The following USH2A variants were observed in gnomAD, a reference collection of about 807,000 sequenced individuals.
USH2A encodes the protein Usher syndrome 2A (autosomal recessive, mild).
Under a neutral mutation model 538.9 loss-of-function variants are expected in USH2A, and 443 were observed. The ratio of observed to expected loss-of-function variants is 0.82; its 90% CI spans 0.76 to 0.89. USH2A has a LOEUF of 0.89. Among genes scored for constraint, USH2A ranks in the 40% least tolerant of loss-of-function variants. The pLI is 0.00. For synonymous variants in USH2A, 2,413 were observed against 2,273.5 expected (o/e 1.06, Z -1.75); for missense variants, 6,633 against 6,324.8 (o/e 1.05, Z -1.65).
intron 32 of USH2A, among the ~76,000 whole-genome samples, chr1:216,030,774 A>T (rs905192924): frequency 7.3e-5 from 11 of 151,302 alleles, no homozygotes; most frequent in Non-Finnish European, 1.6e-4. Context: ...TGAATGAGTC[A>T]TTCCTTGACT....
chr1:216,144,770 C>T (rs928719568), intron 21 of USH2A, among the ~76,000 whole-genome samples: 4 of 152,078 alleles, frequency 2.6e-5, no homozygotes, highest in African/African-American at 9.7e-5. Flanking sequence ...GCTACTTTTT[C>T]TTGATTGTTT....
chr1:215,917,780 C>CAAAAAAAAAAA (rs869080030), intron 38 of USH2A, among the ~76,000 whole-genome samples: 3 of 89,620 alleles, frequency 3.3e-5, no homozygotes, highest in African/African-American at 4.4e-5. Context: ...CCTATCACTA[C>CAAAAAAAAAAA]AAAAAAAAAA....
At position 216,423,314 on chromosome 1, in the gene USH2A, G is replaced by C. The variant is rs1430551833; in HGVS notation, c.-305C>G. ...CCTGGCAACGCTGCTGTAACCCCTG[G>C]TTACTCAGCAAATAGGCTGTAGCAG... is the stretch of plus-strand genomic sequence containing the variant. On this transcript the variant is annotated 5_prime_UTR_variant, in exon 1 of 72. Transcript: ENST00000307340. 5 of 152,120 alleles carry C rather than the reference G, an allele frequency of 3.3e-5. No individual in the cohort carries two copies. The highest frequency in any genetic ancestry group is 5.9e-5 in the Non-Finnish European group (4 of 68,036). 9.4% of individuals were successfully genotyped at this position (152,120 alleles called of 1,614,324 possible).
At chr1:215,841,626 T>C (rs1490178912) in intron 46 of USH2A, among the ~76,000 whole-genome samples, 3 of 152,140 alleles carry the variant, frequency 2.0e-5, no homozygotes, top group Middle Eastern at 3.2e-3. Flanking sequence ...ATTCAGGACA[T>C]AGGCACAGGC....
chr1:215,758,559 T>TACAC (rs141869007), intron 58 of USH2A, 36 bp downstream of exon 58: 135 of 1,532,432 alleles, frequency 8.8e-5, no homozygotes, highest in Non-Finnish European at 1.1e-4. Context: ...TTAAAATGTT[T>TACAC]ACACACACAC....
intron 3 of USH2A, among the ~76,000 whole-genome samples, chr1:216,368,468 A>G (rs2038641264): frequency 6.6e-6 from 1 of 152,160 alleles, no homozygotes; most frequent in African/African-American, 2.4e-5. Flanking sequence ...AAATAGAGAG[A>G]CAGAATACCT....
At chr1:216,082,445 G>T (rs2031980432) in intron 26 of USH2A, among the ~76,000 whole-genome samples, 2 of 146,476 alleles carry the variant, frequency 1.4e-5, no homozygotes, top group Non-Finnish European at 1.5e-5. Context: ...TATTGGCATT[G>T]TGTATGCTAG....
chr1:216,014,533 A>C (rs993345104), intron 32 of USH2A, among the ~76,000 whole-genome samples: 2 of 152,248 alleles, frequency 1.3e-5, no homozygotes, highest in African/African-American at 4.8e-5. Context: ...AGGTATGTAC[A>C]CAAATCTGAG....
chr1:216,335,789 T>A (rs2037957943), intron 4 of USH2A, among the ~76,000 whole-genome samples: 1 of 151,528 alleles, frequency 6.6e-6, no homozygotes, highest in African/African-American at 2.4e-5. Flanking sequence ...TTTTTAAAAA[T>A]TTCCACAAAG....
intron 50 of USH2A, among the ~76,000 whole-genome samples, chr1:215,790,915 A>AT (rs1421740669): frequency 6.6e-6 from 1 of 152,164 alleles, no homozygotes; most frequent in East Asian, 1.9e-4. Flanking sequence ...ATCAGCCACT[A>AT]TTTTTTGAGC....
At chr1:216,277,961 T>C (rs2036702479) in intron 11 of USH2A, among the ~76,000 whole-genome samples, 1 of 152,094 alleles carries the variant, frequency 6.6e-6, no homozygotes, top group Admixed American at 6.6e-5. Flanking sequence ...AATGAGCCTG[T>C]ATATTGTTTT....
chr1:215,926,906 C>G (rs531862893), intron 38 of USH2A, among the ~76,000 whole-genome samples: 2 of 152,022 alleles, frequency 1.3e-5, no homozygotes, highest in Non-Finnish European at 2.9e-5. Flanking sequence ...CCGCGCCCAG[C>G]CTTACCTACC....
Position 216,250,996 on chromosome 1 carries a change from T to C in USH2A, c.2074A>G (p.Ser692Gly). The C allele has an allele frequency of 1.2e-6, 2 of 1,614,096 alleles. No homozygotes were observed. Among genetic ancestry groups the C allele is most frequent in the Non-Finnish European group, 1.7e-6 (2 of 1,179,992 alleles). ...CCAGAGGTATTGCAGTTACAGGGAC[T>C]GCAGCCATCAGGATCCAACTCTTGT... is the stretch of plus-strand genomic sequence containing the variant. ...NLQELDPDGC[S>G]PCNCNTSGTV... Residue 692 changes from serine (S) to glycine (G), a missense_variant, in exon 12 of 72, where the codon AGT becomes GGT. Physicochemically the swap from Ser to Gly is moderately conservative, Grantham distance 56. Coordinates refer to ENST00000307340, the MANE Select transcript of USH2A (RefSeq NM_206933.4).
intron 3 of USH2A, among the ~76,000 whole-genome samples, chr1:216,382,322 G>A (rs2038935189): frequency 1.3e-5 from 2 of 152,164 alleles, no homozygotes; most frequent in South Asian, 2.1e-4. Context: ...AAAGGAAAAA[G>A]TAGGATTAAG....
intron 21 of USH2A, among the ~76,000 whole-genome samples, chr1:216,114,723 T>C (rs948696463): frequency 6.6e-6 from 1 of 152,106 alleles, no homozygotes; most frequent in South Asian, 2.1e-4. Context: ...AAATTTCCAG[T>C]GGAAGGATTC....
At chr1:216,006,795 A>G (rs1668402183) in intron 32 of USH2A, among the ~76,000 whole-genome samples, 1 of 152,192 alleles carries the variant, frequency 6.6e-6, no homozygotes, top group Non-Finnish European at 1.5e-5. Context: ...GATTTGTTCA[A>G]TGGGTACTGA....
At chr1:216,113,266 A>G (rs557437137) in intron 21 of USH2A, among the ~76,000 whole-genome samples, 4 of 152,230 alleles carry the variant, frequency 2.6e-5, no homozygotes, top group African/African-American at 9.6e-5. Context: ...AAATGGAGAT[A>G]CTGAATTGCA....
chr1:215,770,961 A>C (rs1167530725), intron 55 of USH2A, among the ~76,000 whole-genome samples: 1 of 150,286 alleles, frequency 6.7e-6, no homozygotes, highest in African/African-American at 2.4e-5. Flanking sequence ...AAAAAAAAAA[A>C]AAAAAACCTA....
At chr1:215,871,903 C>A (rs1664630603) in intron 43 of USH2A, among the ~76,000 whole-genome samples, 1 of 152,142 alleles carries the variant, frequency 6.6e-6, no homozygotes, top group Non-Finnish European at 1.5e-5. Flanking sequence ...AGGCTTGTAT[C>A]TTGGAAGGGA....
Sources: allele counts gnomAD v4.1 joint callset (sites outside exome capture counted in the v4.1 genomes callset), GRCh38; gene constraint gnomAD v4.1.1; transcripts MANE v1.5; gene names NCBI Gene and HGNC (gene_info 2026-07-23, HGNC 2026-07-21).